Variants in CACNA1C observed in about 807,000 individuals in gnomAD.
The protein encoded by CACNA1C is calcium voltage-gated channel subunit alpha1 C, also known as voltage-dependent L-type calcium channel subunit alpha-1C.
Under a neutral mutation model 229.0 loss-of-function variants are expected in CACNA1C, and 30 were observed. That is an observed-to-expected ratio of 0.13 (90% CI 0.10 to 0.18). The LOEUF is 0.18. Ranked by LOEUF, CACNA1C falls within the 10% of genes least tolerant of loss-of-function variation. The pLI is 1.00. For missense variants in CACNA1C, 1,658 were observed against 2,845.0 expected, an observed-to-expected ratio of 0.58 and a Z score of 9.49; for synonymous variants, 1,114 against 1,132.5, an observed-to-expected ratio of 0.98 and a Z score of 0.33.
chr12:2,040,010 C>T (rs899786547), intron 1 of CACNA1C, among the ~76,000 whole-genome samples: 7 of 152,142 alleles, frequency 4.6e-5, no homozygotes, highest in South Asian at 2.1e-4. Context: ...GAAAGCCTGA[C>T]GGCACTAGAT....
intron 3 of CACNA1C, among the ~76,000 whole-genome samples, chr12:2,364,273 A>G (rs1414285652): frequency 2.0e-5 from 3 of 152,214 alleles, no homozygotes; most frequent in East Asian, 1.9e-4. Flanking sequence ...TGTGAATGCA[A>G]TAGGGAAAAT....
intron 3 of CACNA1C, among the ~76,000 whole-genome samples, chr12:2,378,070 C>G (rs2098127172): frequency 6.6e-6 from 1 of 152,202 alleles, no homozygotes; most frequent in South Asian, 2.1e-4. Context: ...CATGACTTCT[C>G]TTCTGCCAGG....
At chr12:2,379,723 G>A (rs77394019) in intron 3 of CACNA1C, among the ~76,000 whole-genome samples, 13 of 152,114 alleles carry the variant, frequency 8.5e-5, no homozygotes, top group African/African-American at 2.4e-4. Context: ...GCCATGATGC[G>A]GGACATAATA....
chr12:2,486,629 T>G lies in CACNA1C; in HGVS notation c.916+367T>G, dbSNP rs1255292312. On this transcript the variant is annotated intron_variant, in intron 6 of 46. Coordinates refer to ENST00000399655, the MANE Select transcript of CACNA1C (RefSeq NM_000719.7). The surrounding 1 kb of genome is among the most constrained non-coding windows in gnomAD (Gnocchi z 4.9). ...CCTGGGGTCGTCAGTCTCTGCTCCTTCCATGCTTCAGTGTGGTTGGCCATT... is the reference window on the plus strand; with the variant it reads ...CCTGGGGTCGTCAGTCTCTGCTCCTGCCATGCTTCAGTGTGGTTGGCCATT... 6.6e-6 allele frequency among the ~76,000 whole-genome samples: 1 copy of G among 152,210 alleles called. No individual in the cohort carries two copies. The highest frequency in any genetic ancestry group is 1.5e-5 in the Non-Finnish European group (1 of 68,024).
intron 1 of CACNA1C, among the ~76,000 whole-genome samples, chr12:2,082,503 G>A (rs768910886): frequency 6.6e-5 from 10 of 152,126 alleles, no homozygotes; most frequent in South Asian, 2.1e-4. Flanking sequence ...AACACCCCCC[G>A]CATGGTGTTG....
chr12:2,405,611 C>G (rs964736079), intron 3 of CACNA1C, among the ~76,000 whole-genome samples: 9 of 152,140 alleles, frequency 5.9e-5, no homozygotes, highest in Non-Finnish European at 1.3e-4. Context: ...TGTGGTTGCT[C>G]TAAGTATTAC....
At chr12:2,269,250 G>A (rs1246524969) in intron 3 of CACNA1C, among the ~76,000 whole-genome samples, 1 of 152,198 alleles carries the variant, frequency 6.6e-6, no homozygotes, top group East Asian at 1.9e-4. Context: ...GGAGTCATGG[G>A]AATTAGTTCT....
chr12:2,206,587 C>T (rs887695118), intron 3 of CACNA1C, among the ~76,000 whole-genome samples: 1 of 152,118 alleles, frequency 6.6e-6, no homozygotes, highest in Non-Finnish European at 1.5e-5. Context: ...ATGTGTGTAC[C>T]CACCTCCCTA....
At chr12:2,341,299 C>A (rs7959938) in intron 3 of CACNA1C, among the ~76,000 whole-genome samples, 40,673 of 152,162 alleles carry the variant, frequency 0.27, 9,912 homozygotes, top group African/African-American at 0.66. Context: ...GCACATGGTG[C>A]GAGCTTGGCA....
intron 18 of CACNA1C, among the ~76,000 whole-genome samples, chr12:2,592,438 G>T (rs1361722379): frequency 3.3e-5 from 5 of 152,342 alleles, no homozygotes; most frequent in South Asian, 4.1e-4. Context: ...CGATTGGCTG[G>T]AGAGTCTGCT....
rs546414135 is a variant in CACNA1C, at chr12:2,653,721, C to T, written c.4075-114C>T. On this transcript the variant is annotated intron_variant, in intron 32 of 46. Transcript: ENST00000399655. The surrounding 1 kb of genome is among the most constrained non-coding windows in gnomAD (Gnocchi z 4.7). ...GGGACTCTTGGAAGTGTCCCCCGGC[C>T]CAAACCGGGCAATAGCTGATGGCTG... 16 of 879,626 alleles carry T rather than the reference C, an allele frequency of 1.8e-5. No homozygotes were observed. In the African/African-American group the frequency reaches 2.5e-4, roughly 14 times the overall value. The allele number at this position is 879,626 out of a possible 1,614,324, so 54.5% of individuals were successfully genotyped here.
chr12:2,459,709 G>A (rs1245741045), intron 5 of CACNA1C, among the ~76,000 whole-genome samples: 1 of 152,166 alleles, frequency 6.6e-6, no homozygotes. Flanking sequence ...AGTAGGAAGG[G>A]AGGATGACAG....
At position 2,137,596 on chromosome 12, in the gene CACNA1C, A is replaced by G. The variant is rs1486779081; in HGVS notation, c.477+17166A>G. On this transcript the variant is annotated intron_variant, in intron 3 of 46. Coordinates refer to ENST00000399655, the MANE Select transcript of CACNA1C (RefSeq NM_000719.7). Reference sequence around the variant, plus strand: ...TTATTTTTTAAAATGCTCTGGAAAAATGCAAAGTGCCATATAAACATAGAG... The same window carrying G: ...TTATTTTTTAAAATGCTCTGGAAAAGTGCAAAGTGCCATATAAACATAGAG... Among the ~76,000 whole-genome samples, 5 of 151,202 alleles carry G rather than the reference A, an allele frequency of 3.3e-5. No homozygotes were observed. In the East Asian group the frequency reaches 9.6e-4, roughly 29 times the overall value.
chr12:2,303,702 A>G (rs1179379359), intron 3 of CACNA1C, among the ~76,000 whole-genome samples: 1 of 152,194 alleles, frequency 6.6e-6, no homozygotes, highest in Non-Finnish European at 1.5e-5. Context: ...GTGGGGACAC[A>G]TTCAGCCCAT....
chr12:2,656,037 G>A (rs2095402456), intron 34 of CACNA1C, among the ~76,000 whole-genome samples: 1 of 152,160 alleles, frequency 6.6e-6, no homozygotes, highest in African/African-American at 2.4e-5. Flanking sequence ...TGAGGAACAA[G>A]ACAAAGATGC....
intron 1 of CACNA1C, chr12:1,993,088 A>G (rs772948344): frequency 2.4e-6 from 2 of 846,320 alleles, no homozygotes; most frequent in Admixed American, 1.8e-5. Context: ...TCTTCCAAGG[A>G]AGAATCTATT....
intron 3 of CACNA1C, chr12:2,218,004 GAGAGA>G (rs2060417752): frequency 6.6e-6 from 1 of 152,156 alleles, no homozygotes; most frequent in Non-Finnish European, 1.5e-5. Flanking sequence ...TCTAACTTAG[GAGAGA>G]GCTTCGGAGA....
chr12:2,593,942 T>A (rs146061810), intron 19 of CACNA1C, among the ~76,000 whole-genome samples: 122 of 152,358 alleles, frequency 8.0e-4, no homozygotes, highest in African/African-American at 2.6e-3. Context: ...GGCCTCTACT[T>A]ACCTATAACT....
intron 1 of CACNA1C, among the ~76,000 whole-genome samples, chr12:2,080,321 G>A (rs912252018): frequency 4.0e-5 from 6 of 150,076 alleles, no homozygotes; most frequent in Admixed American, 4.0e-4. Context: ...CAAAGAGATG[G>A]CCGGGCGTGG....
Sources: allele counts gnomAD v4.1 joint callset (sites outside exome capture counted in the v4.1 genomes callset), GRCh38; gene constraint gnomAD v4.1.1; non-coding constraint Gnocchi (gnomAD v3.1); transcripts MANE v1.5; gene names NCBI Gene and HGNC (gene_info 2026-07-23, HGNC 2026-07-21).